OPCML: variants seen among roughly 807,000 people sequenced by gnomAD.
The protein encoded by OPCML is opioid-binding protein/cell adhesion molecule.
A neutral mutation model predicts 37.8 loss-of-function variants in OPCML; 13 were observed. The observed-to-expected ratio is 0.34, with a 90% CI of 0.22 to 0.55. The LOEUF (loss-of-function observed/expected upper bound fraction) is 0.55. Ranked by LOEUF, OPCML falls within the 20% of genes least tolerant of loss-of-function variation. The pLI, the probability that OPCML is intolerant of heterozygous loss-of-function variation, is 0.91. For synonymous variants in OPCML, 176 were observed against 168.8 expected, an observed-to-expected ratio of 1.04 and a Z score of -0.33; for missense variants, 341 against 435.6, an observed-to-expected ratio of 0.78 and a Z score of 1.93.
At chr11:132,584,262 C>T (rs938275379) in intron 3 of OPCML, among the ~76,000 whole-genome samples, 1 of 152,064 alleles carries the variant, frequency 6.6e-6, no homozygotes, top group Non-Finnish European at 1.5e-5. Flanking sequence ...GTATCATCTT[C>T]ATTGGAGGCA....
At chr11:132,989,566 G>A (rs538043735) in intron 1 of OPCML, among the ~76,000 whole-genome samples, 23 of 151,916 alleles carry the variant, frequency 1.5e-4, no homozygotes, top group Admixed American at 2.6e-4. Context: ...GGAGGACCAT[G>A]CGCTGGAGAT....
rs546942694 is a variant in OPCML at position 133,145,167 on chromosome 11, C to A, written c.62-202157G>T. ...GGGGATAAAGAGATAAAGTTGTCTA[C>A]TATTAATTAATCTAGGGCTGACTAC... On this transcript the variant is annotated intron_variant, in intron 1 of 7. Coordinates refer to ENST00000524381, the MANE Select transcript of OPCML (RefSeq NM_001012393.5). 6.6e-4 allele frequency among the ~76,000 whole-genome samples: 100 copies of A among 152,262 alleles called. 4 individuals carry two copies. In the South Asian group the frequency reaches 0.016, roughly 24 times the overall value.
intron 1 of OPCML, among the ~76,000 whole-genome samples, chr11:133,482,260 A>G (rs1947389226): frequency 6.6e-6 from 1 of 152,160 alleles, no homozygotes; most frequent in South Asian, 2.1e-4. Context: ...GTGACATGGG[A>G]AGAGAACATC....
At chr11:133,242,814 G>A (rs1215800139) in intron 1 of OPCML, among the ~76,000 whole-genome samples, 1 of 152,144 alleles carries the variant, frequency 6.6e-6, no homozygotes, top group Non-Finnish European at 1.5e-5. Context: ...AACACTAGCC[G>A]AGTGCAGCTG....
At chr11:133,376,889 C>T (rs945238976) in intron 1 of OPCML, among the ~76,000 whole-genome samples, 26 of 152,078 alleles carry the variant, frequency 1.7e-4, no homozygotes, top group African/African-American at 5.3e-4. Context: ...CGGTGTAACC[C>T]AGTACAGGAT....
At chr11:133,013,732 C>T (rs1348069458) in intron 1 of OPCML, among the ~76,000 whole-genome samples, 1 of 152,190 alleles carries the variant, frequency 6.6e-6, no homozygotes, top group Admixed American at 6.5e-5. Context: ...CTGTATCCCA[C>T]TGAATCCTCA....
intron 2 of OPCML, among the ~76,000 whole-genome samples, chr11:132,877,596 G>C (rs899116039): frequency 2.0e-5 from 3 of 152,192 alleles, no homozygotes; most frequent in African/African-American, 4.8e-5. Flanking sequence ...AGGACCCTCA[G>C]ATCCCTCTGG....
intron 2 of OPCML, among the ~76,000 whole-genome samples, chr11:132,696,706 A>G (rs3016506): frequency 0.5 from 75,305 of 151,906 alleles, 18,824 homozygotes; most frequent in Admixed American, 0.57. Context: ...GATAGGAACT[A>G]TTGTATCACA....
At chr11:132,601,727 C>A (rs1340598050) in intron 3 of OPCML, among the ~76,000 whole-genome samples, 1 of 152,116 alleles carries the variant, frequency 6.6e-6, no homozygotes, top group African/African-American at 2.4e-5. Context: ...TCTAACTCCA[C>A]CTAAACTGAT....
intron 2 of OPCML, among the ~76,000 whole-genome samples, chr11:132,793,051 G>T (rs1938039608): frequency 6.6e-6 from 1 of 152,178 alleles, no homozygotes; most frequent in Non-Finnish European, 1.5e-5. Flanking sequence ...GCTGGCTGGG[G>T]ACTATCGACT....
At chr11:133,433,470 G>A (rs1747086473) in intron 1 of OPCML, among the ~76,000 whole-genome samples, 1 of 152,072 alleles carries the variant, frequency 6.6e-6, no homozygotes. Context: ...CCTCATGTAC[G>A]TGATGAGCTA....
chr11:133,439,653 G>A (rs949140038), intron 1 of OPCML, among the ~76,000 whole-genome samples: 1 of 151,688 alleles, frequency 6.6e-6, no homozygotes, highest in Non-Finnish European at 1.5e-5. Flanking sequence ...ATTTTTAGTA[G>A]AGACGGGGTT....
At chr11:133,386,923 G>T (rs1255525482) in intron 1 of OPCML, among the ~76,000 whole-genome samples, 1 of 152,158 alleles carries the variant, frequency 6.6e-6, no homozygotes, top group African/African-American at 2.4e-5. Context: ...AGGGCTGAGT[G>T]AATGCTTGGA....
chr11:133,299,243 C>A (rs1942720498), intron 1 of OPCML: 1 of 152,196 alleles, frequency 6.6e-6, no homozygotes, highest in South Asian at 2.1e-4. Context: ...AACAAAGAGG[C>A]AACTCTGGAG....
chr11:132,829,810 ACT>A (rs1213908639), intron 2 of OPCML, among the ~76,000 whole-genome samples: 2 of 151,472 alleles, frequency 1.3e-5, no homozygotes, highest in Admixed American at 6.6e-5. Flanking sequence ...AAGTTCACAG[ACT>A]CTATTTTTCT....
intron 2 of OPCML, among the ~76,000 whole-genome samples, chr11:132,675,151 A>ATG (rs1239870422): frequency 2.4e-5 from 3 of 126,180 alleles, no homozygotes; most frequent in African/African-American, 9.9e-5. Flanking sequence ...GCCCATATAT[A>ATG]TGTATGTGTG....
intron 3 of OPCML, among the ~76,000 whole-genome samples, chr11:132,616,410 T>C (rs1939022801): frequency 6.6e-6 from 1 of 152,162 alleles, no homozygotes; most frequent in Non-Finnish European, 1.5e-5. Context: ...CAAGATGGAG[T>C]CAGATACTTC....
rs77130414 is a variant in OPCML at position 132,997,059 on chromosome 11, G to T, written c.62-54049C>A. ...TAACTGTCAGCATTGCACATCCTCC[G>T]ACTGCAGGATTAAAGGAGCCTTTTA... On this transcript the variant is annotated intron_variant, in intron 1 of 7. Coordinates refer to ENST00000524381, the MANE Select transcript of OPCML (RefSeq NM_001012393.5). Among the ~76,000 whole-genome samples the T allele has an allele frequency of 3.3e-3, 496 of 152,132 alleles. 3 individuals are homozygous for T. The highest frequency in any genetic ancestry group is 0.011 in the African/African-American group (465 of 41,500).
At position 133,066,901 on chromosome 11, in the gene OPCML, A is replaced by T. The variant is rs1389138888; in HGVS notation, c.62-123891T>A. The T allele has an allele frequency of 3.3e-5, 5 of 151,736 alleles. No individual in the cohort carries two copies. The East Asian group carries it at 9.7e-4, about 29-fold the overall frequency. 9.4% of individuals were successfully genotyped at this position (151,736 alleles called of 1,614,324 possible). A position where few individuals can be genotyped will look rare whatever the true frequency, so the allele number is the denominator to read the frequency against. On this transcript the variant is annotated intron_variant, in intron 1 of 7. Coordinates refer to ENST00000524381, the MANE Select transcript of OPCML (RefSeq NM_001012393.5). The stretch of plus-strand genomic sequence containing the variant: ...ACAATGTTGGCCATGCTGGTCTCGA[A>T]CTCCTGACCTCAGATGATTCACCCG...
Sources: gnomAD v4.1 joint callset for allele counts (sites outside exome capture counted in the v4.1 genomes callset) on GRCh38, gnomAD v4.1.1 for gene constraint, MANE v1.5 for transcripts, NCBI Gene and HGNC (gene_info 2026-07-23, HGNC 2026-07-21) for gene names.